Variants in FAM13B observed in about 807,000 individuals in gnomAD.
The protein encoded by FAM13B is family with sequence similarity 13 member B, also known as protein FAM13B.
In FAM13B, 60 loss-of-function variants were observed where a neutral mutation model predicts 117.3. The observed-to-expected ratio is 0.51, with a 90% CI of 0.42 to 0.63. The LOEUF (loss-of-function observed/expected upper bound fraction) is 0.63, where lower values mean the gene tolerates loss of function less well. Ranked by LOEUF, FAM13B falls within the 30% of genes least tolerant of loss-of-function variation. FAM13B has a pLI of 0.00. For synonymous variants in FAM13B, 332 were observed against 356.1 expected, an observed-to-expected ratio of 0.93 and a Z score of 0.76; for missense variants, 972 against 1,091.9, an observed-to-expected ratio of 0.89 and a Z score of 1.55.
At position 138,025,316 on chromosome 5, in the gene FAM13B, T is replaced by G. The variant is rs1380393550; in HGVS notation, c.-202-4119A>C. ...ATATATATATATATATATATGTATTTTTTTTTTTTTTTTTTTTGAGTTGAG... is the reference window on the plus strand; with the variant it reads ...ATATATATATATATATATATGTATTGTTTTTTTTTTTTTTTTTGAGTTGAG... On this transcript the variant is annotated intron_variant, in intron 1 of 23. Transcript: ENST00000689681. Among the ~76,000 whole-genome samples, 5 of 122,746 alleles carry G rather than the reference T, an allele frequency of 4.1e-5. 1 individual carries two copies. In the East Asian group the frequency reaches 7.9e-4, roughly 19 times the overall value. 80.5% of individuals were successfully genotyped at this position (122,746 alleles called of 152,430 possible). A position where few individuals can be genotyped will look rare whatever the true frequency, so the allele number is the denominator to read the frequency against.
At chr5:138,027,089 T>A (rs1418526102) in intron 1 of FAM13B, among the ~76,000 whole-genome samples, 1 of 152,052 alleles carries the variant, frequency 6.6e-6, no homozygotes, top group Admixed American at 6.6e-5. Flanking sequence ...GAGCTGTGAC[T>A]GCACCACTGC....
intron 23 of FAM13B, among the ~76,000 whole-genome samples, chr5:137,941,114 T>C (rs971725865): frequency 6.6e-6 from 1 of 152,068 alleles, no homozygotes; most frequent in Non-Finnish European, 1.5e-5. Flanking sequence ...TTCACTGTGT[T>C]AGCCAGGATG....
In FAM13B at chr5:138,048,051, C is replaced by T. The variant is rs947319123; in HGVS notation, c.-203+3827G>A. Among the ~76,000 whole-genome samples, 4 of 151,804 alleles carry T rather than the reference C, an allele frequency of 2.6e-5. No homozygotes were observed. The South Asian group carries it at 6.2e-4, about 24-fold the overall frequency. ...TTCCCCTAATGCTAGTACCTAATGCCTTTTAAAATAGAAAGAAAGAAAAAA... is the reference window on the plus strand; with the variant it reads ...TTCCCCTAATGCTAGTACCTAATGCTTTTTAAAATAGAAAGAAAGAAAAAA... On this transcript the variant is annotated intron_variant, in intron 1 of 3. Transcript: ENST00000502471.
At chr5:137,959,471 C>A in intron 13 of FAM13B, 145 bp downstream of exon 13, 1 of 812,400 alleles carries the variant, frequency 1.2e-6, no homozygotes. Context: ...TAAAAACACC[C>A]ACTTGTTCAT....
Position 137,945,961 on chromosome 5 carries a change from A to G in FAM13B, c.2281T>C (p.Tyr761His). 1.2e-6 allele frequency: 2 copies of G among 1,613,670 alleles called. No homozygotes were observed. The highest frequency in any genetic ancestry group is 1.7e-6 in the Non-Finnish European group (2 of 1,179,766). ...KEERHIVKPL[Y>H]DRYRLVKQML... The stretch of plus-strand genomic sequence containing the variant: ...TGTTTTACAAGCCTGTATCTATCAT[A>G]GAGAGGTTTAACAATGTGCCTTTCT... The change falls in exon 20 of 24, where the codon TAT becomes CAT. Residue 761 changes from tyrosine to histidine, a missense_variant. Tyr to His is a moderately conservative substitution (Grantham distance 83). Transcript: ENST00000689681.
chr5:137,960,359 T>C, intron 11 of FAM13B, 145 bp from the exon 12 acceptor site: 1 of 488,274 alleles, frequency 2.0e-6, no homozygotes, highest in Non-Finnish European at 3.7e-6. Flanking sequence ...ACATGCCCAT[T>C]CTTTGGAGCC....
At chr5:137,986,426 T>TCCC (rs372003381) in intron 9 of FAM13B, among the ~76,000 whole-genome samples, 1,136 of 69,084 alleles carry the variant, frequency 0.016, 25 homozygotes, top group African/African-American at 0.04. Context: ...TTTCTCATCT[T>TCCC]CCCCCCCCCA....
chr5:138,041,229 G>T (rs994835258), intron 1 of FAM13B, among the ~76,000 whole-genome samples: 2 of 152,184 alleles, frequency 1.3e-5, no homozygotes, highest in Non-Finnish European at 2.9e-5. Context: ...GATCCAAAAT[G>T]CGAGAAGTAA....
intron 1 of FAM13B, among the ~76,000 whole-genome samples, chr5:138,027,820 C>T (rs904880389): frequency 1.3e-5 from 2 of 152,110 alleles, no homozygotes; most frequent in South Asian, 2.1e-4. Context: ...ATGCTGTTCT[C>T]GTGACAGTGA....
chr5:138,005,902 CT>C (rs869171895), intron 7 of FAM13B, among the ~76,000 whole-genome samples: 236 of 143,730 alleles, frequency 1.6e-3, no homozygotes, highest in Middle Eastern at 3.6e-3. Flanking sequence ...ATTTCCTCTT[CT>C]TTTTTTTTTT....
At position 138,002,664 on chromosome 5, in the gene FAM13B, ATTTTTTTTTT is replaced by A. The variant is rs70979561; in HGVS notation, c.848+4316_848+4325del. Among the ~76,000 whole-genome samples, 27 of 120,310 alleles carry A rather than the reference ATTTTTTTTTT, an allele frequency of 2.2e-4. No individual in the cohort carries two copies. In the Admixed American group the frequency reaches 2.4e-3, roughly 11 times the overall value. 78.9% of individuals were successfully genotyped at this position (120,310 alleles called of 152,430 possible). A position where few individuals can be genotyped will look rare whatever the true frequency, so the allele number is the denominator to read the frequency against. The stretch of plus-strand genomic sequence containing the variant: ...CTGATCAAACAAATCTGTTCCCTCT[ATTTTTTTTTT>A]TTTTTTTTTGAGACAGAATCTCACT... On this transcript the variant is annotated intron_variant, in intron 7 of 23. Coordinates refer to ENST00000689681, the MANE Select transcript of FAM13B (RefSeq NM_001385994.1).
intron 17 of FAM13B, among the ~76,000 whole-genome samples, chr5:137,951,140 G>T (rs1198166188): frequency 6.7e-6 from 1 of 149,362 alleles, no homozygotes; most frequent in Admixed American, 6.7e-5. Context: ...AGCCCGGGAG[G>T]TGGAAGCTGC....
chr5:137,978,043 A>G (rs1774536828), intron 10 of FAM13B, among the ~76,000 whole-genome samples: 1 of 151,742 alleles, frequency 6.6e-6, no homozygotes, highest in Non-Finnish European at 1.5e-5. Context: ...AGTAATCTAC[A>G]CTTGGTTTTG....
chr5:137,965,362 A>G (rs1438031075), intron 10 of FAM13B, among the ~76,000 whole-genome samples: 1 of 152,138 alleles, frequency 6.6e-6, no homozygotes, highest in African/African-American at 2.4e-5. Context: ...CAGGAGGAGC[A>G]GCAGATACAG....
At chr5:137,944,763 CA>C (rs56204519) in intron 20 of FAM13B, among the ~76,000 whole-genome samples, 37,175 of 147,024 alleles carry the variant, frequency 0.25, 4,633 homozygotes, top group African/African-American at 0.32. Context: ...ATCTCAAAAA[CA>C]AAAAAAAAAA....
intron 10 of FAM13B, among the ~76,000 whole-genome samples, chr5:137,982,145 AC>A (rs1775940682): frequency 6.6e-6 from 1 of 152,346 alleles, no homozygotes; most frequent in South Asian, 2.1e-4. Flanking sequence ...AGTGTTGAGA[AC>A]ATACCATCAA....
chr5:137,964,661 C>CA lies in FAM13B; in HGVS notation c.1180-2193dup, dbSNP rs538740287. ...GCTTGAACCCAGGAAGCAAAGGCTG[C>CA]AGTGAGCCAAGATTGCACCACTGCA... On this transcript the variant is annotated intron_variant, in intron 10 of 23. Transcript: ENST00000689681. Among the ~76,000 whole-genome samples the CA allele has an allele frequency of 1.4e-4, 21 of 152,122 alleles. No homozygotes were observed. In the South Asian group the frequency reaches 4.4e-3, roughly 32 times the overall value.
At chr5:137,974,733 C>T (rs1487007400) in intron 10 of FAM13B, among the ~76,000 whole-genome samples, 1 of 150,908 alleles carries the variant, frequency 6.6e-6, no homozygotes, top group Non-Finnish European at 1.5e-5. Context: ...AACAAATCTC[C>T]AACATTATCT....
chr5:138,046,260 CTG>C (rs1159565415), intron 1 of FAM13B, among the ~76,000 whole-genome samples: 5 of 152,328 alleles, frequency 3.3e-5, no homozygotes, highest in African/African-American at 1.2e-4. Flanking sequence ...TCCAATAAAC[CTG>C]TTTCTTTTGT....
Sources: allele counts gnomAD v4.1 joint callset (sites outside exome capture counted in the v4.1 genomes callset), GRCh38; gene constraint gnomAD v4.1.1; transcripts MANE v1.5; gene names NCBI Gene and HGNC (gene_info 2026-07-23, HGNC 2026-07-21).